Variants in CELF2 observed in about 807,000 individuals in gnomAD.
The protein encoded by CELF2 is CUG triplet repeat RNA-binding protein 2.
Under a neutral mutation model 62.6 loss-of-function variants are expected in CELF2, and 8 were observed. The observed-to-expected ratio is 0.13, with a 90% CI of 0.07 to 0.23. The LOEUF (loss-of-function observed/expected upper bound fraction) is 0.23, where lower values mean the gene tolerates loss of function less well. Ranked by LOEUF, CELF2 falls within the 10% of genes least tolerant of loss-of-function variation. The pLI is 1.00. For synonymous variants in CELF2, 258 were observed against 250.0 expected (o/e 1.03, Z -0.30); for missense variants, 333 against 671.0 (o/e 0.50, Z 5.56).
intron 3 of CELF2, among the ~76,000 whole-genome samples, chr10:11,231,554 GAAGATA>G (rs1362838462): frequency 2.6e-5 from 4 of 151,756 alleles, no homozygotes; most frequent in African/African-American, 9.7e-5. Context: ...ATGTGGGCTG[GAAGATA>G]AAAAGGACCA....
the CELF2 span, among the ~76,000 whole-genome samples, chr10:10,586,509 G>T: frequency 2.6e-5 from 4 of 152,138 alleles, no homozygotes; most frequent in African/African-American, 4.8e-5. Flanking sequence ...AAATTAAAAA[G>T]ATGTTCATGA....
At position 11,285,296 on chromosome 10, in the gene CELF2, T is replaced by A. The variant is rs2090855483; in HGVS notation, c.842-3122T>A. Among the ~76,000 whole-genome samples the A allele has an allele frequency of 6.6e-6, 1 of 152,146 alleles. No individual in the cohort carries two copies. Among genetic ancestry groups the A allele is most frequent in the Admixed American group, 6.5e-5 (1 of 15,284 alleles). On this transcript the variant is annotated intron_variant, in intron 8 of 12. Transcript: ENST00000633077. This position sits in a 1 kb window ranked among gnomAD's most constrained non-coding sequence, Gnocchi z 4.3. ...CTTTCCACTCTTCATCTCAGCTTCC[T>A]TGACTCATAGTTTTTCCTTTCCTTG...
chr10:10,544,655 G>C, the CELF2 span, among the ~76,000 whole-genome samples: 2 of 152,132 alleles, frequency 1.3e-5, no homozygotes, highest in Admixed American at 1.3e-4. Flanking sequence ...AAACGAATAA[G>C]CCTAAAATTT....
intron 1 of CELF2, among the ~76,000 whole-genome samples, chr10:11,142,932 C>T (rs750928802): frequency 4.0e-5 from 6 of 150,542 alleles, no homozygotes; most frequent in African/African-American, 5.0e-5. Context: ...TTACTCAGTC[C>T]CCTCGTGATT....
At chr10:10,759,567 G>A in the CELF2 span, among the ~76,000 whole-genome samples, 2 of 151,588 alleles carry the variant, frequency 1.3e-5, no homozygotes, top group South Asian at 2.1e-4. Context: ...CCTCGGCCTC[G>A]CAAAGTGCTG....
At chr10:11,018,269 C>G in intron 1 of CELF2, 106 bp downstream of exon 1, 1 of 912,738 alleles carries the variant, frequency 1.1e-6, no homozygotes, top group Non-Finnish European at 1.5e-6. Flanking sequence ...GCGACTCGGC[C>G]GCTTCGGATC....
the CELF2 span, chr10:10,792,421 C>G: frequency 2.5e-6 from 1 of 398,400 alleles, no homozygotes. Context: ...GGAATTCCAT[C>G]TCTATGAGCA....
chr10:10,509,291 T>G, the CELF2 span, among the ~76,000 whole-genome samples: 31 of 152,248 alleles, frequency 2.0e-4, no homozygotes, highest in Non-Finnish European at 4.3e-4. Flanking sequence ...AGAGACTGAA[T>G]TTTTGTGTTT....
At chr10:10,495,174 G>C in the CELF2 span, among the ~76,000 whole-genome samples, 1 of 152,098 alleles carries the variant, frequency 6.6e-6, no homozygotes, top group Non-Finnish European at 1.5e-5. Context: ...CCAGCTACTC[G>C]GGAGGCTGAG....
intron 1 of CELF2, among the ~76,000 whole-genome samples, chr10:10,911,514 G>A (rs1324955169): frequency 6.6e-6 from 1 of 152,216 alleles, no homozygotes; most frequent in African/African-American, 2.4e-5. Flanking sequence ...TCCGACTGCA[G>A]GCCTGCCTCC....
At chr10:10,568,055 A>G in the CELF2 span, among the ~76,000 whole-genome samples, 1 of 152,168 alleles carries the variant, frequency 6.6e-6, no homozygotes, top group Non-Finnish European at 1.5e-5. Flanking sequence ...CAAAATAATT[A>G]CAGGGTGTAA....
chr10:11,140,014 C>G (rs1271299131), intron 1 of CELF2, among the ~76,000 whole-genome samples: 1 of 152,076 alleles, frequency 6.6e-6, no homozygotes, highest in Non-Finnish European at 1.5e-5. Flanking sequence ...GAAATGGTTT[C>G]GTGGGATTTC....
At chr10:10,807,446 C>T (rs1166260894) in intron 1 of CELF2, among the ~76,000 whole-genome samples, 1 of 152,158 alleles carries the variant, frequency 6.6e-6, no homozygotes, top group African/African-American at 2.4e-5. Context: ...CCATTCAAAG[C>T]CTTGAACATA....
At chr10:10,816,942 A>G (rs939081029) in intron 1 of CELF2, among the ~76,000 whole-genome samples, 2 of 152,252 alleles carry the variant, frequency 1.3e-5, no homozygotes, top group African/African-American at 2.4e-5. Flanking sequence ...TAAGAAAGAA[A>G]ATTACTGAAA....
chr10:11,140,758 G>A (rs879786294), intron 1 of CELF2, among the ~76,000 whole-genome samples: 1 of 152,162 alleles, frequency 6.6e-6, no homozygotes, highest in South Asian at 2.1e-4. Context: ...ACTCATGCCT[G>A]TAATCCCAGC....
rs1278453209 is a variant in CELF2 at position 11,145,776 on chromosome 10, A to G, written c.75-19710A>G. ...TTATTTTTCTTTTTTTAGTGTCATTACCAGTATTGGTTGCACTACTGTAGC... is the reference window on the plus strand; with the variant it reads ...TTATTTTTCTTTTTTTAGTGTCATTGCCAGTATTGGTTGCACTACTGTAGC... On this transcript the variant is annotated intron_variant, in intron 1 of 12. Coordinates refer to ENST00000633077, the MANE Select transcript of CELF2 (RefSeq NM_001326342.2). The surrounding 1 kb of genome is among the most constrained non-coding windows in gnomAD (Gnocchi z 4.3). Among the ~76,000 whole-genome samples, 1 of 152,208 alleles carries G rather than the reference A, an allele frequency of 6.6e-6. No individual in the cohort carries two copies. Among genetic ancestry groups the G allele is most frequent in the Non-Finnish European group, 1.5e-5 (1 of 68,038 alleles).
chr10:10,556,346 T>C, the CELF2 span, among the ~76,000 whole-genome samples: 6 of 152,078 alleles, frequency 3.9e-5, no homozygotes, highest in African/African-American at 1.5e-4. Context: ...TCCATGTCCC[T>C]ACAAAGGACA....
the CELF2 span, among the ~76,000 whole-genome samples, chr10:10,506,612 C>G: frequency 1.4e-5 from 2 of 145,852 alleles, no homozygotes; most frequent in Non-Finnish European, 3.0e-5. Context: ...ATCCTGGACT[C>G]TGGAAGAATG....
At chr10:10,790,795 A>G in the CELF2 span, among the ~76,000 whole-genome samples, 4 of 152,188 alleles carry the variant, frequency 2.6e-5, no homozygotes, top group Admixed American at 6.5e-5. Context: ...CAATCATCCA[A>G]TTGAATGATC....
Sources: gnomAD v4.1 joint callset for allele counts (sites outside exome capture counted in the v4.1 genomes callset) on GRCh38, gnomAD v4.1.1 for gene constraint, Gnocchi (gnomAD v3.1) non-coding constraint, MANE v1.5 for transcripts, NCBI Gene and HGNC (gene_info 2026-07-23, HGNC 2026-07-21) for gene names.